Variants in NCOR2 observed in about 807,000 individuals in gnomAD.
NCOR2 encodes nuclear receptor corepressor 2.
A neutral mutation model predicts 262.9 loss-of-function variants in NCOR2; 81 were observed. The ratio of observed to expected loss-of-function variants is 0.31; its 90% confidence interval spans 0.26 to 0.37. The LOEUF (loss-of-function observed/expected upper bound fraction) is 0.37, where lower values mean the gene tolerates loss of function less well. NCOR2 is among the 10% of genes least tolerant of loss of function. The pLI is 1.00. For missense variants in NCOR2, 3,385 were observed against 3,621.4 expected (o/e 0.93, Z 1.68); for synonymous variants, 1,659 against 1,559.3 (o/e 1.06, Z -1.51).
chr12:124,325,392 C>CCCCCCCGT, exon 47 of NCOR2: 1 of 1,152,270 alleles, frequency 8.7e-7, no homozygotes. Flanking sequence ...CCCCCCCGCC[C>CCCCCCCGT]TGTTCTGAGT....
chr12:124,447,436 T>G (rs1041865138), intron 7 of NCOR2, among the ~76,000 whole-genome samples: 4 of 152,260 alleles, frequency 2.6e-5, no homozygotes, highest in Non-Finnish European at 5.9e-5. Flanking sequence ...GTCATCTATA[T>G]GAGCATCTTG....
chr12:124,435,882 T>G (rs2044306788), intron 8 of NCOR2, among the ~76,000 whole-genome samples: 1 of 152,218 alleles, frequency 6.6e-6, no homozygotes, highest in African/African-American at 2.4e-5. Context: ...GGCAAGTTAC[T>G]TAACCTCTCT....
chr12:124,543,229 C>G (rs993547511), intron 1 of NCOR2, among the ~76,000 whole-genome samples: 6 of 152,216 alleles, frequency 3.9e-5, no homozygotes, highest in Admixed American at 2.6e-4. Context: ...GAGGAGCAAC[C>G]CCGTGCCCTG....
chr12:124,455,017 A>G (rs2045762625), intron 6 of NCOR2, among the ~76,000 whole-genome samples: 1 of 152,234 alleles, frequency 6.6e-6, no homozygotes, highest in Non-Finnish European at 1.5e-5. Flanking sequence ...ATGAACCTCG[A>G]AAACATGATG....
In NCOR2 at chr12:124,520,101, C is replaced by T. The variant is rs530954656; in HGVS notation, c.-118+15464G>A. On this transcript the variant is annotated intron_variant, in intron 1 of 46. Transcript: ENST00000404621. ...GATGAGCATAGTGGCTGCGGAGGCCCCTGGAAGCCAGATGTCTCCTGTGAA... is the reference window on the plus strand; with the variant it reads ...GATGAGCATAGTGGCTGCGGAGGCCTCTGGAAGCCAGATGTCTCCTGTGAA... Among the ~76,000 whole-genome samples the T allele has an allele frequency of 3.7e-3, 570 of 152,316 alleles. 9 individuals are homozygous for T. Among genetic ancestry groups the T allele is most frequent in the East Asian group, 0.015 (79 of 5,178 alleles).
At chr12:124,376,978 C>G (rs537650488) in intron 18 of NCOR2, among the ~76,000 whole-genome samples, 1 of 152,292 alleles carries the variant, frequency 6.6e-6, no homozygotes, top group East Asian at 1.9e-4. Flanking sequence ...TCGGTCACGC[C>G]ACAGGGGGAG....
intron 23 of NCOR2, 116 bp from the exon 26 acceptor site, chr12:124,355,687 T>C (rs1003376314): frequency 3.6e-6 from 5 of 1,380,094 alleles, no homozygotes; most frequent in Non-Finnish European, 4.7e-6. Context: ...TGCCCATCCA[T>C]GCGCACTCCT....
chr12:124,467,670 C>A (rs1431203809), intron 4 of NCOR2, among the ~76,000 whole-genome samples: 1 of 126,904 alleles, frequency 7.9e-6, no homozygotes, highest in Non-Finnish European at 1.7e-5. Context: ...CACCCCATCA[C>A]CCTTATCATC....
intron 1 of NCOR2, among the ~76,000 whole-genome samples, chr12:124,543,937 T>A (rs1463909439): frequency 1.3e-5 from 2 of 152,212 alleles, no homozygotes; most frequent in Non-Finnish European, 2.9e-5. Flanking sequence ...CCCCTTACGA[T>A]GATTAACTCG....
chr12:124,546,973 C>G lies in NCOR2; in HGVS notation c.-164-11362G>C, dbSNP rs144898400. ...GATGCTAGCATACCGTTAACATTGT[C>G]TTTTTATAATATTTTATTTATTTTT... is the stretch of plus-strand genomic sequence containing the variant. On this transcript the variant is annotated intron_variant, in intron 1 of 32. Coordinates refer to the NCOR2 transcript ENST00000458234. Among the ~76,000 whole-genome samples, 1,362 of 152,138 alleles carry G rather than the reference C, an allele frequency of 9.0e-3. 16 individuals carry two copies. Among genetic ancestry groups the G allele is most frequent in the Non-Finnish European group, 0.01 (696 of 67,990 alleles).
chr12:124,335,136 C>T, exon 40 of NCOR2: 1 of 1,612,294 alleles, frequency 6.2e-7, no homozygotes, highest in Non-Finnish European at 8.5e-7. Flanking sequence ...CGTAGTTACA[C>T]TGATGTGCTG....
At chr12:124,377,116 A>G (rs554521492) in intron 18 of NCOR2, among the ~76,000 whole-genome samples, 3 of 152,302 alleles carry the variant, frequency 2.0e-5, no homozygotes, top group African/African-American at 7.2e-5. Context: ...TCCCGGGTCT[A>G]TACACACTGA....
chr12:124,482,109 G>A lies in NCOR2; in HGVS notation c.411+1487C>T, dbSNP rs1406693084. ...TCCGCCGGGGGAGGTTCCTGAGTGG[G>A]CTCTCAGGCGCATGTGGTCTGTTGG... On this transcript the variant is annotated intron_variant, in intron 3 of 46. Transcript: ENST00000405201. The surrounding 1 kb of genome is among the most constrained non-coding windows in gnomAD (Gnocchi z 6.3). 6.6e-6 allele frequency among the ~76,000 whole-genome samples: 1 copy of A among 152,106 alleles called. No individual in the cohort carries two copies. Among genetic ancestry groups the A allele is most frequent in the East Asian group, 1.9e-4 (1 of 5,182 alleles).
chr12:124,414,821 G>T (rs1256067197), intron 13 of NCOR2, among the ~76,000 whole-genome samples: 1 of 152,208 alleles, frequency 6.6e-6, no homozygotes, highest in Admixed American at 6.5e-5. Context: ...GTAGGGGGAA[G>T]GGGCTGTGTC....
chr12:124,436,954 C>T (rs60634868), intron 8 of NCOR2, among the ~76,000 whole-genome samples: 1,662 of 152,138 alleles, frequency 0.011, 34 homozygotes, highest in African/African-American at 0.037. Context: ...GGCTTGGTGG[C>T]GGGCGCCTGT....
At chr12:124,487,229 C>T (rs369396686) in intron 1 of NCOR2, among the ~76,000 whole-genome samples, 1 of 152,190 alleles carries the variant, frequency 6.6e-6, no homozygotes, top group Non-Finnish European at 1.5e-5. Flanking sequence ...GGGCCTCACT[C>T]GCCAGGAGAA....
intron 1 of NCOR2, among the ~76,000 whole-genome samples, chr12:124,510,125 G>T (rs959431033): frequency 6.6e-6 from 1 of 152,204 alleles, no homozygotes; most frequent in Non-Finnish European, 1.5e-5. Flanking sequence ...TTCCTGGGTT[G>T]TAAAACAAGT....
Position 124,366,264 on chromosome 12 carries a change from G to A in NCOR2, c.2808-2465C>T, listed in dbSNP as rs528164576. On this transcript the variant is annotated intron_variant, in intron 20 of 46. Coordinates refer to ENST00000405201, the Ensembl canonical transcript of NCOR2. Reference sequence around the variant, plus strand: ...CGATGGAACACATGGCCATCAAAAGGCATGAGGCTCTGACACGGGCTATGA... The same window carrying A: ...CGATGGAACACATGGCCATCAAAAGACATGAGGCTCTGACACGGGCTATGA... Among the ~76,000 whole-genome samples, 6 of 152,262 alleles carry A rather than the reference G, an allele frequency of 3.9e-5. No individual in the cohort carries two copies. In the South Asian group the frequency reaches 1.2e-3, roughly 32 times the overall value.
chr12:124,372,352 T>G (rs778463817), exon 20 of NCOR2: 1 of 1,513,404 alleles, frequency 6.6e-7, no homozygotes, highest in Non-Finnish European at 8.8e-7. Context: ...CTCCTCCTTC[T>G]CCTCCTTGGG....
Sources: allele counts gnomAD v4.1 joint callset (sites outside exome capture counted in the v4.1 genomes callset), GRCh38; gene constraint gnomAD v4.1.1; non-coding constraint Gnocchi (gnomAD v3.1); transcripts MANE v1.5; gene names NCBI Gene and HGNC (gene_info 2026-07-23, HGNC 2026-07-21).